Variants in RIMBP2 observed in about 807,000 individuals in gnomAD.
The protein encoded by RIMBP2 is RIMS-binding protein 2.
In RIMBP2, 48 loss-of-function variants were observed where a neutral mutation model predicts 118.6. The observed-to-expected ratio is 0.40, with a 90% confidence interval of 0.32 to 0.51. The LOEUF (loss-of-function observed/expected upper bound fraction) is 0.51, where lower values mean the gene tolerates loss of function less well. RIMBP2 is among the 20% of genes least tolerant of loss of function. The probability of loss-of-function intolerance (pLI) is 0.41; values close to 1 mark genes in which losing one functional copy is unlikely to be tolerated. For synonymous variants in RIMBP2, 762 were observed against 742.9 expected (o/e 1.03, Z -0.42); for missense variants, 1,551 against 1,768.3 (o/e 0.88, Z 2.20).
chr12:130,421,689 A>ATG (rs1336875443), intron 17 of RIMBP2, among the ~76,000 whole-genome samples: 12 of 106,952 alleles, frequency 1.1e-4, no homozygotes, highest in African/African-American at 3.1e-4. Flanking sequence ...CCCTGCATTT[A>ATG]TATGTGTGTG....
intron 2 of RIMBP2, among the ~76,000 whole-genome samples, chr12:130,556,171 G>A (rs1040951892): frequency 5.3e-5 from 8 of 152,260 alleles, no homozygotes; most frequent in African/African-American, 1.9e-4. Context: ...GTTCTGTTTT[G>A]TTTATCACTC....
intron 2 of RIMBP2, among the ~76,000 whole-genome samples, chr12:130,558,141 G>T (rs79880848): frequency 0.017 from 2,571 of 152,194 alleles, 58 homozygotes; most frequent in African/African-American, 0.056. Context: ...ATTCACCCAG[G>T]AATGAAACAA....
chr12:130,442,287 C>T lies in RIMBP2; in HGVS notation c.1065G>A (p.Lys355=). 2 of 1,614,154 alleles carry T rather than the reference C, an allele frequency of 1.2e-6. No individual in the cohort carries two copies. Among genetic ancestry groups the T allele is most frequent in the Middle Eastern group, 1.6e-4 (1 of 6,062 alleles). The stretch of plus-strand genomic sequence containing the variant: ...CCAGCGTGAGGTTCATGCGTGTCTC[C>T]TTGTCCACCAGGACGTTGTAGCTGC... ...TVSSYNVLVD[K]ETRMNLTLGS... The change falls in exon 11 of 23, where the codon AAG becomes AAA. Residue 355 remains lysine, a synonymous_variant. Coordinates refer to ENST00000690449, the MANE Select transcript of RIMBP2 (RefSeq NM_001393629.1). This position sits in a 1 kb window ranked among gnomAD's most constrained non-coding sequence, Gnocchi z 6.9.
At chr12:130,566,694 T>C (rs1229907696) in intron 2 of RIMBP2, among the ~76,000 whole-genome samples, 1 of 152,144 alleles carries the variant, frequency 6.6e-6, no homozygotes, top group Non-Finnish European at 1.5e-5. Context: ...ACTGCACATC[T>C]CGTGAGAAGC....
chr12:130,668,924 C>G (rs2064074490), intron 1 of RIMBP2, among the ~76,000 whole-genome samples: 1 of 152,244 alleles, frequency 6.6e-6, no homozygotes, highest in Non-Finnish European at 1.5e-5. Flanking sequence ...AGCCCCTGTA[C>G]AGCGTTAGCA....
At chr12:130,436,458 G>C (rs1761602330) in intron 13 of RIMBP2, among the ~76,000 whole-genome samples, 1 of 152,070 alleles carries the variant, frequency 6.6e-6, no homozygotes, top group Non-Finnish European at 1.5e-5. Flanking sequence ...CACACACACA[G>C]AACCTAGGAC....
At position 130,638,158 on chromosome 12, in the gene RIMBP2, C is replaced by T. The variant is rs149119167; in HGVS notation, c.-351-9702G>A. On this transcript the variant is annotated intron_variant, in intron 1 of 22. Coordinates refer to ENST00000690449, the MANE Select transcript of RIMBP2 (RefSeq NM_001393629.1). ...CCTTCTTGATTTCTCCAGGGTCTCC[C>T]CGGATGGACACACATTAAAGCCACC... is the stretch of plus-strand genomic sequence containing the variant. Among the ~76,000 whole-genome samples, 134 of 152,236 alleles carry T rather than the reference C, an allele frequency of 8.8e-4. 1 individual carries two copies. The highest frequency in any genetic ancestry group is 3.1e-3 in the African/African-American group (128 of 41,548).
intron 2 of RIMBP2, among the ~76,000 whole-genome samples, chr12:130,569,471 A>G (rs528334613): frequency 3.2e-4 from 49 of 152,284 alleles, no homozygotes; most frequent in African/African-American, 9.6e-4. Flanking sequence ...GCTGTCCCCA[A>G]CTGGAACAAA....
intron 1 of RIMBP2, among the ~76,000 whole-genome samples, chr12:130,690,027 T>G (rs2065241579): frequency 6.6e-6 from 1 of 152,206 alleles, no homozygotes; most frequent in African/African-American, 2.4e-5. Context: ...TGAGGCCCCG[T>G]GTCCCGCTGG....
intron 6 of RIMBP2, among the ~76,000 whole-genome samples, chr12:130,468,373 A>T (rs2080695327): frequency 1.3e-5 from 2 of 152,144 alleles, no homozygotes; most frequent in Admixed American, 1.3e-4. Context: ...AGGGGTTTGG[A>T]TTCAGCAGGT....
At position 130,701,941 on chromosome 12, in the gene RIMBP2, C is replaced by T. The variant is rs563794609; in HGVS notation, c.-352+14281G>A. Reference sequence around the variant, plus strand: ...GTATGTTCTAGAAGGAACAGATGCTCTAGGGAAGGGACTGCAGGCACAAGG... The same window carrying T: ...GTATGTTCTAGAAGGAACAGATGCTTTAGGGAAGGGACTGCAGGCACAAGG... On this transcript the variant is annotated intron_variant, in intron 1 of 22. Coordinates refer to ENST00000690449, the MANE Select transcript of RIMBP2 (RefSeq NM_001393629.1). 2.0e-5 allele frequency among the ~76,000 whole-genome samples: 3 copies of T among 152,096 alleles called. No homozygotes were observed. In the East Asian group the frequency reaches 5.8e-4, roughly 29 times the overall value.
chr12:130,537,661 C>T (rs964747758), intron 2 of RIMBP2, among the ~76,000 whole-genome samples: 1 of 152,300 alleles, frequency 6.6e-6, no homozygotes, highest in East Asian at 1.9e-4. Flanking sequence ...TCACCTCATG[C>T]AGAATTCTCA....
At chr12:130,661,412 G>A (rs944531667) in intron 1 of RIMBP2, among the ~76,000 whole-genome samples, 10 of 152,154 alleles carry the variant, frequency 6.6e-5, no homozygotes, top group Middle Eastern at 3.2e-3. Context: ...TCCTTTCCAT[G>A]GCCCTCTAGC....
intron 11 of RIMBP2, 108 bp from the exon 12 acceptor site, chr12:130,438,624 C>A: frequency 9.2e-7 from 1 of 1,085,420 alleles, no homozygotes; most frequent in Non-Finnish European, 1.3e-6. Flanking sequence ...TCGGTAAAGT[C>A]GCCAGGGAAA....
At chr12:130,404,505 G>A (rs562470809) in intron 21 of RIMBP2, among the ~76,000 whole-genome samples, 6 of 152,178 alleles carry the variant, frequency 3.9e-5, no homozygotes, top group African/African-American at 1.4e-4. Flanking sequence ...TCACCATGTT[G>A]GCCAGGCTGA....
At chr12:130,517,978 G>A (rs2051654220) in intron 2 of RIMBP2, 61 bp from the exon 3 acceptor site, 1 of 672,714 alleles carries the variant, frequency 1.5e-6, no homozygotes, top group Middle Eastern at 7.3e-4. Context: ...TTGGTAGAGT[G>A]CAGTGGTTAG....
intron 9 of RIMBP2, among the ~76,000 whole-genome samples, chr12:130,448,898 A>G (rs1212779697): frequency 6.6e-6 from 1 of 152,244 alleles, no homozygotes; most frequent in Non-Finnish European, 1.5e-5. Flanking sequence ...TGATCCGCTG[A>G]TCCTCTTAAT....
chr12:130,650,266 C>A (rs2063176398), intron 1 of RIMBP2, among the ~76,000 whole-genome samples: 1 of 152,136 alleles, frequency 6.6e-6, no homozygotes. Context: ...CCTTCCCCAG[C>A]AGCCAGCTGC....
intron 4 of RIMBP2, among the ~76,000 whole-genome samples, chr12:130,487,933 C>T (rs937438076): frequency 1.4e-4 from 21 of 152,202 alleles, no homozygotes; most frequent in Non-Finnish European, 5.9e-5. Flanking sequence ...TGCAGCAATG[C>T]TGTAACCTGC....
Sources: gnomAD v4.1 joint callset for allele counts (sites outside exome capture counted in the v4.1 genomes callset) on GRCh38, gnomAD v4.1.1 for gene constraint, Gnocchi (gnomAD v3.1) non-coding constraint, MANE v1.5 for transcripts, NCBI Gene and HGNC (gene_info 2026-07-23, HGNC 2026-07-21) for gene names.